The following ARHGAP20 variants were observed in gnomAD, a reference collection of about 807,000 sequenced individuals.
The protein encoded by ARHGAP20 is rho GTPase-activating protein 20.
ARHGAP20 carries 34 observed loss-of-function variants against 73.7 expected under a neutral mutation model. The observed-to-expected ratio is 0.46, with a 90% CI of 0.35 to 0.61. ARHGAP20 has a LOEUF of 0.61. Among genes scored for constraint, ARHGAP20 ranks in the 20% least tolerant of loss-of-function variants. The probability of loss-of-function intolerance (pLI) is 0.00; values close to 1 mark genes in which losing one functional copy is unlikely to be tolerated. For missense variants in ARHGAP20, 1,314 were observed against 1,420.9 expected, an observed-to-expected ratio of 0.92 and a Z score of 1.21; for synonymous variants, 523 against 518.2, an observed-to-expected ratio of 1.01 and a Z score of -0.13.
rs1158395957 is a variant in ARHGAP20 at position 110,630,673 on chromosome 11, C to T, written c.308G>A (p.Arg103Gln). 5.6e-6 allele frequency: 9 copies of T among 1,613,980 alleles called. No homozygotes were observed. Among genetic ancestry groups the T allele is most frequent in the African/African-American group, 1.3e-5 (1 of 75,004 alleles). Residue 103 changes from arginine (R) to glutamine (Q), a missense_variant, in exon 3 of 15, where the codon CGG becomes CAG. Arg to Gln is a conservative substitution (Grantham distance 43, BLOSUM62 1). This residue lies in a region of ARHGAP20 where 443 missense variants were observed against 466.4 expected (regional missense o/e 0.95). Transcript: ENST00000683387. ...ELKRGLQRQE[R>Q]HLFLFNDLFV... ...CAGATCATTGAATAGGAAAAGATGC[C>T]GCTCCTGCCTCTGGAGGCCTCTTTT...
At chr11:110,615,890 G>C (rs1039126149) in intron 4 of ARHGAP20, among the ~76,000 whole-genome samples, 2 of 152,158 alleles carry the variant, frequency 1.3e-5, no homozygotes, top group African/African-American at 2.4e-5. Context: ...GTGTGAGAGA[G>C]TTCCTATAGT....
chr11:110,608,788 C>A (rs1047484531), intron 8 of ARHGAP20, among the ~76,000 whole-genome samples, 196 bp downstream of exon 8: 1 of 152,098 alleles, frequency 6.6e-6, no homozygotes, highest in Non-Finnish European at 1.5e-5. Flanking sequence ...CCCAACTATA[C>A]CATTAGCTGC....
intron 2 of ARHGAP20, among the ~76,000 whole-genome samples, chr11:110,685,491 C>T (rs1314450769): frequency 1.5e-5 from 2 of 135,304 alleles, no homozygotes; most frequent in East Asian, 2.1e-4. Flanking sequence ...AATGGTGCCA[C>T]ATTAAAAAAA....
intron 2 of ARHGAP20, among the ~76,000 whole-genome samples, chr11:110,634,533 C>T (rs754289619): frequency 2.6e-5 from 4 of 152,106 alleles, no homozygotes; most frequent in Non-Finnish European, 5.9e-5. Flanking sequence ...GACTCAGCTT[C>T]CTCCTCCAGC....
intron 9 of ARHGAP20, among the ~76,000 whole-genome samples, chr11:110,593,465 G>C (rs1307150554): frequency 6.6e-6 from 1 of 152,162 alleles, no homozygotes; most frequent in East Asian, 1.9e-4. Flanking sequence ...CTAGCTGAAG[G>C]CACTAAAGAG....
At chr11:110,599,950 G>A (rs117852107) in intron 9 of ARHGAP20, among the ~76,000 whole-genome samples, 2 of 152,330 alleles carry the variant, frequency 1.3e-5, no homozygotes, top group East Asian at 1.9e-4. Context: ...TGACCTGCCT[G>A]CAGAGAGGAG....
chr11:110,613,493 T>C (rs919405404), intron 6 of ARHGAP20, among the ~76,000 whole-genome samples: 5 of 152,126 alleles, frequency 3.3e-5, no homozygotes, highest in African/African-American at 1.2e-4. Context: ...ATATATCTTA[T>C]CTTCTCTTCC....
chr11:110,711,569 C>T (rs190707901), intron 1 of ARHGAP20: 20 of 1,450,232 alleles, frequency 1.4e-5, no homozygotes, highest in South Asian at 5.5e-5. Context: ...CTCCCCATAT[C>T]TGCCCCCCGA....
chr11:110,663,872 TACA>T (rs1269815810), intron 2 of ARHGAP20, among the ~76,000 whole-genome samples: 2 of 152,140 alleles, frequency 1.3e-5, no homozygotes, highest in Non-Finnish European at 2.9e-5. Flanking sequence ...GCAAACTGAA[TACA>T]ACAATATATG....
At chr11:110,677,732 C>A (rs1949960888) in intron 2 of ARHGAP20, among the ~76,000 whole-genome samples, 1 of 152,052 alleles carries the variant, frequency 6.6e-6, no homozygotes, top group Non-Finnish European at 1.5e-5. Context: ...TAGAAAATAA[C>A]AAGCACTGGT....
Position 110,578,742 on chromosome 11 carries a change from A to G in ARHGAP20, c.*628T>C. The G allele has an allele frequency of 1.0e-6, 1 of 985,428 alleles. No individual in the cohort carries two copies. The highest frequency in any genetic ancestry group is 1.2e-6 in the Non-Finnish European group (1 of 829,928). The allele number at this position is 985,428 out of a possible 1,614,324, so 61.0% of individuals were successfully genotyped here. On this transcript the variant is annotated 3_prime_UTR_variant, in exon 15 of 15. Transcript: ENST00000683387. ...CAACAAAACTGATATCATGGTACCC[A>G]TGGCTTTTGAGTCACTCTGTTTTTC...
intron 13 of ARHGAP20, among the ~76,000 whole-genome samples, chr11:110,582,716 T>C (rs888761025): frequency 6.6e-6 from 1 of 152,220 alleles, no homozygotes; most frequent in African/African-American, 2.4e-5. Context: ...AAGAAATATA[T>C]TTTGTTATTA....
chr11:110,700,227 T>C (rs1950417366), intron 1 of ARHGAP20, among the ~76,000 whole-genome samples: 1 of 151,988 alleles, frequency 6.6e-6, no homozygotes, highest in Admixed American at 6.6e-5. Context: ...TTCCAGTCAC[T>C]TTATGAGGAA....
chr11:110,588,896 C>A (rs893025629), intron 11 of ARHGAP20, among the ~76,000 whole-genome samples: 4 of 151,834 alleles, frequency 2.6e-5, no homozygotes, highest in Admixed American at 2.6e-4. Context: ...ACAGTGAAAC[C>A]CCGTCTCTAC....
chr11:110,676,603 TTAAGA>T (rs1418843939), intron 2 of ARHGAP20, among the ~76,000 whole-genome samples: 1 of 152,072 alleles, frequency 6.6e-6, no homozygotes, highest in East Asian at 1.9e-4. Flanking sequence ...GAACTACAAT[TTAAGA>T]TGAGATGTGG....
intron 11 of ARHGAP20, chr11:110,589,557 T>C: frequency 1.0e-6 from 1 of 985,404 alleles, no homozygotes; most frequent in South Asian, 4.7e-5. Flanking sequence ...TCCAATCCTT[T>C]GGGAGGTGAG....
chr11:110,595,667 T>A (rs901832689), intron 9 of ARHGAP20, among the ~76,000 whole-genome samples: 1 of 152,170 alleles, frequency 6.6e-6, no homozygotes, highest in Non-Finnish European at 1.5e-5. Context: ...TGGAAGAACA[T>A]TCCATGCTCA....
chr11:110,682,938 T>C (rs1292431206), intron 2 of ARHGAP20, among the ~76,000 whole-genome samples: 1 of 152,108 alleles, frequency 6.6e-6, no homozygotes, highest in South Asian at 2.1e-4. Context: ...AAAGACCAAG[T>C]ACTTTCTCTT....
intron 2 of ARHGAP20, among the ~76,000 whole-genome samples, chr11:110,675,017 C>G (rs1949903514): frequency 6.6e-6 from 1 of 152,088 alleles, no homozygotes; most frequent in African/African-American, 2.4e-5. Flanking sequence ...TTTGCTGCAC[C>G]CATCAACCCA....
Sources: gnomAD v4.1 joint callset for allele counts (sites outside exome capture counted in the v4.1 genomes callset) on GRCh38, gnomAD v4.1.1 for gene constraint, gnomAD v4.1.1 regional missense constraint, MANE v1.5 for transcripts, NCBI Gene and HGNC (gene_info 2026-07-23, HGNC 2026-07-21) for gene names.